MTUS2: variants seen among roughly 807,000 people sequenced by gnomAD.
The protein encoded by MTUS2 is microtubule-associated tumor suppressor candidate 2.
In MTUS2, 40 loss-of-function variants were observed where a neutral mutation model predicts 114.1. The ratio of observed to expected loss-of-function variants is 0.35; its 90% CI spans 0.27 to 0.46. The LOEUF is 0.46. MTUS2 is among the 20% of genes least tolerant of loss of function. The probability of loss-of-function intolerance (pLI) is 1.00; values close to 1 mark genes in which losing one functional copy is unlikely to be tolerated. For missense variants in MTUS2, 1,679 were observed against 1,705.4 expected (o/e 0.98, Z 0.27); for synonymous variants, 688 against 672.0 (o/e 1.02, Z -0.37).
At chr13:28,979,319 G>C (rs915764997) in intron 2 of MTUS2, among the ~76,000 whole-genome samples, 2 of 152,110 alleles carry the variant, frequency 1.3e-5, no homozygotes, top group Non-Finnish European at 2.9e-5. Flanking sequence ...AATTAGAGCT[G>C]CTCTATTATT....
chr13:28,976,170 C>G (rs1372476146), intron 2 of MTUS2, among the ~76,000 whole-genome samples: 1 of 136,162 alleles, frequency 7.3e-6, no homozygotes, highest in Admixed American at 7.7e-5. Context: ...CACCACTGCA[C>G]TCCAGTTTAG....
At chr13:29,108,761 G>C (rs1288585732) in intron 5 of MTUS2, among the ~76,000 whole-genome samples, 1 of 152,190 alleles carries the variant, frequency 6.6e-6, no homozygotes, top group African/African-American at 2.4e-5. Context: ...TGCATCCTGA[G>C]TGAGGTGAAG....
At chr13:29,459,904 T>G (rs906611544) in intron 9 of MTUS2, among the ~76,000 whole-genome samples, 48 of 152,100 alleles carry the variant, frequency 3.2e-4, no homozygotes, top group African/African-American at 1.2e-3. Context: ...CTTCCTAAAC[T>G]GTTCTGTCCC....
intron 11 of MTUS2, among the ~76,000 whole-genome samples, chr13:29,492,157 T>TG (rs1383736207): frequency 4.5e-5 from 2 of 44,218 alleles, no homozygotes; most frequent in South Asian, 7.6e-4. Flanking sequence ...TGTATGTGTG[T>TG]GTGGTGTGTA....
chr13:29,292,462 A>G (rs985693777), intron 6 of MTUS2, among the ~76,000 whole-genome samples: 1 of 152,204 alleles, frequency 6.6e-6, no homozygotes, highest in South Asian at 2.1e-4. Context: ...GGATTCAAAG[A>G]TAATTAGAAC....
At chr13:28,827,344 A>T (rs1272175590) in intron 1 of MTUS2, among the ~76,000 whole-genome samples, 1 of 152,102 alleles carries the variant, frequency 6.6e-6, no homozygotes, top group African/African-American at 2.4e-5. Context: ...GGCAGGTAGT[A>T]ATTAGTTTTA....
intron 2 of MTUS2, among the ~76,000 whole-genome samples, chr13:28,922,768 A>C (rs984443743): frequency 2.0e-4 from 31 of 152,096 alleles, no homozygotes; most frequent in Admixed American, 9.8e-4. Context: ...TCTTTCAGTG[A>C]TATGAAGTTA....
chr13:29,407,455 T>C (rs1014836832), intron 8 of MTUS2, among the ~76,000 whole-genome samples: 1 of 124,906 alleles, frequency 8.0e-6, no homozygotes, highest in African/African-American at 3.3e-5. Flanking sequence ...TACTTATTTA[T>C]TTATTTATTT....
rs562457694 is a variant in MTUS2 at position 29,379,065 on chromosome 13, G to A, written c.3117+19592G>A. 6.6e-5 allele frequency among the ~76,000 whole-genome samples: 10 copies of A among 152,320 alleles called. No individual in the cohort carries two copies. In the South Asian group the frequency reaches 8.3e-4, roughly 13 times the overall value. On this transcript the variant is annotated intron_variant, in intron 8 of 15. Coordinates refer to ENST00000612955, the MANE Select transcript of MTUS2 (RefSeq NM_001033602.4). ...TTCCTGCTGCCATGTGAAGAAGGAC[G>A]TGTTTGCTTCCCCCTCCACCATCAT...
chr13:28,970,759 G>A (rs1179375835), intron 2 of MTUS2, among the ~76,000 whole-genome samples: 1 of 152,194 alleles, frequency 6.6e-6, no homozygotes, highest in Non-Finnish European at 1.5e-5. Flanking sequence ...CGTGGCAGCA[G>A]CACAGCCTGC....
At position 28,913,706 on chromosome 13, in the gene MTUS2, G is replaced by A. The variant is rs527509128; in HGVS notation, c.-243+73856G>A. On this transcript the variant is annotated intron_variant, in intron 2 of 15. Transcript: ENST00000612955. ...GTAGAAATGGTACCAGCTCTTCTTTGTACCTCTGGTAGTATTCAGCTGTAA... is the reference window on the plus strand; with the variant it reads ...GTAGAAATGGTACCAGCTCTTCTTTATACCTCTGGTAGTATTCAGCTGTAA... Among the ~76,000 whole-genome samples the A allele has an allele frequency of 3.4e-4, 52 of 152,142 alleles. 1 individual carries two copies. Among genetic ancestry groups the A allele is most frequent in the Middle Eastern group, 3.4e-3 (1 of 294 alleles).
intron 5 of MTUS2, among the ~76,000 whole-genome samples, chr13:29,140,600 C>T (rs1052242326): frequency 5.3e-5 from 8 of 152,166 alleles, no homozygotes; most frequent in Admixed American, 5.2e-4. Flanking sequence ...GGTATGAGGG[C>T]TTACTGGCCT....
intron 2 of MTUS2, among the ~76,000 whole-genome samples, chr13:28,882,793 T>A (rs1878370484): frequency 6.6e-6 from 1 of 151,798 alleles, no homozygotes. Context: ...TCAAAAGACG[T>A]CATAAAAAAA....
At chr13:29,267,882 C>G (rs1329945215) in intron 5 of MTUS2, among the ~76,000 whole-genome samples, 1 of 152,134 alleles carries the variant, frequency 6.6e-6, no homozygotes, top group African/African-American at 2.4e-5. Context: ...AGTGGGGGTG[C>G]TCAGAAGCTT....
chr13:29,235,585 A>G (rs138572069), intron 5 of MTUS2, among the ~76,000 whole-genome samples: 4 of 152,278 alleles, frequency 2.6e-5, no homozygotes, highest in East Asian at 1.9e-4. Flanking sequence ...TCTGAAATGC[A>G]TGCTTTGTTC....
chr13:29,246,349 T>C (rs903936242), intron 5 of MTUS2, among the ~76,000 whole-genome samples: 1 of 152,190 alleles, frequency 6.6e-6, no homozygotes, highest in Admixed American at 6.5e-5. Flanking sequence ...TCGGATCTTC[T>C]GAGTTTCCTT....
At chr13:29,322,677 T>C (rs1432790803) in intron 6 of MTUS2, among the ~76,000 whole-genome samples, 2 of 152,032 alleles carry the variant, frequency 1.3e-5, no homozygotes, top group Non-Finnish European at 2.9e-5. Context: ...GCACCAGGCA[T>C]GGTGAGGAGA....
intron 7 of MTUS2, among the ~76,000 whole-genome samples, chr13:29,334,246 T>C (rs546639927): frequency 6.6e-4 from 101 of 152,322 alleles, no homozygotes; most frequent in Non-Finnish European, 1.3e-3. Context: ...GATCCTGTCA[T>C]TATGATGCTA....
intron 2 of MTUS2, among the ~76,000 whole-genome samples, chr13:28,943,569 G>A (rs1882360755): frequency 6.6e-6 from 1 of 152,192 alleles, no homozygotes; most frequent in Admixed American, 6.5e-5. Context: ...GTTGGGCAGG[G>A]CAGGCGATGG....
Sources: gnomAD v4.1 joint callset for allele counts (sites outside exome capture counted in the v4.1 genomes callset) on GRCh38, gnomAD v4.1.1 for gene constraint, MANE v1.5 for transcripts, NCBI Gene and HGNC (gene_info 2026-07-23, HGNC 2026-07-21) for gene names.